Variants in NIPBL observed in about 807,000 individuals in gnomAD.
The protein encoded by NIPBL is NIPBL cohesin loading factor, also known as nipped-B-like protein.
A neutral mutation model predicts 321.8 loss-of-function variants in NIPBL; 19 were observed. The ratio of observed to expected loss-of-function variants is 0.06; its 90% confidence interval spans 0.04 to 0.09. The LOEUF is 0.09. Ranked by LOEUF, NIPBL falls within the 10% of genes least tolerant of loss-of-function variation. NIPBL has a pLI of 1.00. For synonymous variants in NIPBL, 1,106 were observed against 1,114.1 expected (o/e 0.99, Z 0.14); for missense variants, 2,210 against 3,327.0 (o/e 0.66, Z 8.26).
chr5:36,955,122 A>C (rs1740795421), intron 2 of NIPBL: 1 of 246,094 alleles, frequency 4.1e-6, no homozygotes, highest in Admixed American at 5.1e-5. Context: ...ATTCTGAAAA[A>C]TCTTATAAAC....
intron 1 of NIPBL, among the ~76,000 whole-genome samples, chr5:36,912,962 G>A (rs1748163211): frequency 6.6e-6 from 1 of 152,066 alleles, no homozygotes; most frequent in Admixed American, 6.6e-5. Flanking sequence ...TCCTAGTTGA[G>A]GAACACTGTG....
At chr5:37,040,365 A>G (rs1055172361) in intron 34 of NIPBL, among the ~76,000 whole-genome samples, 3 of 152,184 alleles carry the variant, frequency 2.0e-5, no homozygotes, top group Middle Eastern at 6.8e-3. Context: ...ATCTTTATTC[A>G]TCTTCCCTTC....
In NIPBL at chr5:37,024,608, A is replaced by G. The variant is rs1750050449; in HGVS notation, c.5598A>G (p.Lys1866=). ...AGGATACTGGTATCAGTGTCAGGAA[A>G]AGAGTAATAAAGATTCTCAGAGACA... ...RILDTGISVR[K]RVIKILRDIC... The change falls in exon 30 of 47, where the codon AAA becomes AAG. Residue 1866 remains lysine, a synonymous_variant. Coordinates refer to ENST00000282516, the MANE Select transcript of NIPBL (RefSeq NM_133433.4). 6.2e-7 allele frequency: 1 copy of G among 1,604,980 alleles called. No individual in the cohort carries two copies. The highest frequency in any genetic ancestry group is 1.3e-5 in the African/African-American group (1 of 74,902).
chr5:36,910,447 T>A (rs1472188296), intron 1 of NIPBL, among the ~76,000 whole-genome samples: 1 of 152,216 alleles, frequency 6.6e-6, no homozygotes, highest in Non-Finnish European at 1.5e-5. Context: ...TAACTGTTTC[T>A]CTGTCTTTGC....
At chr5:36,992,653 T>C (rs906932694) in intron 10 of NIPBL, among the ~76,000 whole-genome samples, 2 of 152,110 alleles carry the variant, frequency 1.3e-5, no homozygotes, top group African/African-American at 2.4e-5. Flanking sequence ...GGCTGAGTTA[T>C]CCAGATCCTT....
At position 36,954,403 on chromosome 5, in the gene NIPBL, A is replaced by T. The variant is rs562147983; in HGVS notation, c.64+643A>T. On this transcript the variant is annotated intron_variant, in intron 2 of 46. Transcript: ENST00000282516. ...AGTTGGTTTTAGTGGGGTAAAATAGATAACAGCCTGTTAGCTTTGAGCTTA... is the reference window on the plus strand; with the variant it reads ...AGTTGGTTTTAGTGGGGTAAAATAGTTAACAGCCTGTTAGCTTTGAGCTTA... 8.5e-5 allele frequency among the ~76,000 whole-genome samples: 13 copies of T among 152,300 alleles called. No individual in the cohort carries two copies. In the South Asian group the frequency reaches 2.5e-3, roughly 29 times the overall value.
chr5:36,943,206 A>G (rs1465625309), intron 1 of NIPBL, among the ~76,000 whole-genome samples: 2 of 152,216 alleles, frequency 1.3e-5, no homozygotes, highest in African/African-American at 4.8e-5. Context: ...AGCTTTCGGG[A>G]TACAGAATTA....
intron 1 of NIPBL, among the ~76,000 whole-genome samples, chr5:36,883,118 CTG>C (rs1329944292): frequency 4.6e-5 from 7 of 151,794 alleles, no homozygotes; most frequent in East Asian, 1.9e-4. Context: ...CATAGATTAA[CTG>C]TATTTTTATG....
chr5:37,057,998 T>C (rs937004983), intron 43 of NIPBL, among the ~76,000 whole-genome samples: 1 of 152,242 alleles, frequency 6.6e-6, no homozygotes, highest in African/African-American at 2.4e-5. Context: ...TGCTCACAAC[T>C]CAGCCTTGTC....
In NIPBL at chr5:37,045,537, C is replaced by G; in HGVS notation, c.6438C>G (p.Thr2146=). 6.2e-7 allele frequency: 1 copy of G among 1,613,960 alleles called. No individual in the cohort carries two copies. Among genetic ancestry groups the G allele is most frequent in the Non-Finnish European group, 8.5e-7 (1 of 1,179,954 alleles). ...NKPALLRSLF[T]VGALCRHFDF... ...CAGCACTTCTTAGATCCCTTTTCAC[C>G]GTTGGAGCACTATGTCGGCATTTTG... The change falls in exon 37 of 47, where the codon ACC becomes ACG. Residue 2146 remains threonine, a synonymous_variant. Coordinates refer to ENST00000282516, the MANE Select transcript of NIPBL (RefSeq NM_133433.4).
intron 31 of NIPBL, 72 bp from the exon 32 acceptor site, chr5:37,027,287 A>G: frequency 1.7e-6 from 2 of 1,166,156 alleles, no homozygotes; most frequent in East Asian, 4.7e-5. Flanking sequence ...TTCAGGCTAA[A>G]GCATAACAAA....
At chr5:36,984,651 A>G in intron 9 of NIPBL, 25 bp from the exon 10 acceptor site, 2 of 1,580,606 alleles carry the variant, frequency 1.3e-6, no homozygotes, top group South Asian at 2.3e-5. Flanking sequence ...TATTACTGAT[A>G]TTGATATTTA....
intron 1 of NIPBL, among the ~76,000 whole-genome samples, chr5:36,889,149 G>A (rs1296370493): frequency 6.6e-6 from 1 of 152,100 alleles, no homozygotes; most frequent in Non-Finnish European, 1.5e-5. Context: ...GCTAAATACT[G>A]AGCAAGTTTT....
rs955414107 is a variant in NIPBL, at chr5:37,002,578, A to T, written c.3665-84A>T. The T allele has an allele frequency of 4.2e-6, 4 of 941,858 alleles. No individual in the cohort carries two copies. The African/African-American group carries it at 6.5e-5, about 15-fold the overall frequency. 58.3% of individuals were successfully genotyped at this position (941,858 alleles called of 1,614,324 possible). On this transcript the variant is annotated intron_variant, in intron 14 of 46. Transcript: ENST00000282516. Reference sequence around the variant, plus strand: ...ATTTGTTTAGTTTGCATGTCTAAAAATTTTATTAGAAAGTTAAGCTTGACA... The same window carrying T: ...ATTTGTTTAGTTTGCATGTCTAAAATTTTTATTAGAAAGTTAAGCTTGACA...
intron 1 of NIPBL, among the ~76,000 whole-genome samples, chr5:36,892,471 A>C (rs1035031418): frequency 1.3e-5 from 2 of 152,330 alleles, no homozygotes; most frequent in Non-Finnish European, 1.5e-5. Context: ...TCATGCTGCT[A>C]TAAAGACACA....
intron 27 of NIPBL, 112 bp from the exon 28 acceptor site, chr5:37,021,939 G>A (rs896913076): frequency 1.2e-6 from 1 of 825,736 alleles, no homozygotes; most frequent in Non-Finnish European, 2.0e-6. Context: ...TTTATATACA[G>A]ATTAAAGAGA....
intron 29 of NIPBL, among the ~76,000 whole-genome samples, chr5:37,023,060 G>A (rs928974901): frequency 6.6e-6 from 1 of 152,166 alleles, no homozygotes; most frequent in Non-Finnish European, 1.5e-5. Context: ...ATGCACTAGT[G>A]CACAAAATTA....
chr5:36,910,072 C>A (rs567936856), intron 1 of NIPBL, among the ~76,000 whole-genome samples: 61 of 140,418 alleles, frequency 4.3e-4, no homozygotes, highest in African/African-American at 1.6e-3. Context: ...GAGACTCAGT[C>A]TAAAAAAAAA....
rs999526286 is a variant in NIPBL at position 36,984,888 on chromosome 5, A to G, written c.1708A>G (p.Ile570Val). ...DSDSIKKPEE[I>V]KQCNDAPVSV... ...AGACTCCATAAAAAAGCCTGAAGAA[A>G]TCAAACAATGTAATGATGCACCTGT... Residue 570 changes from isoleucine (I) to valine (V), a missense_variant, in exon 10 of 47, where the codon ATC becomes GTC. Transcript: ENST00000282516. The G allele has an allele frequency of 8.7e-6, 14 of 1,613,726 alleles. No homozygotes were observed. The Admixed American group carries it at 1.0e-4, about 12-fold the overall frequency.
Sources: gnomAD v4.1 joint callset for allele counts (sites outside exome capture counted in the v4.1 genomes callset) on GRCh38, gnomAD v4.1.1 for gene constraint, MANE v1.5 for transcripts, NCBI Gene and HGNC (gene_info 2026-07-23, HGNC 2026-07-21) for gene names.